C8orf34: variants seen among roughly 807,000 people sequenced by gnomAD.
C8orf34 encodes the protein uncharacterized protein C8orf34.
In C8orf34, 65 loss-of-function variants were observed where a neutral mutation model predicts 68.3. The observed-to-expected ratio is 0.95, with a 90% CI of 0.78 to 1.17. The LOEUF is 1.17. C8orf34 is among the 50% of genes most tolerant of loss of function. C8orf34 has a pLI of 0.00. For missense variants in C8orf34, 664 were observed against 655.4 expected, an observed-to-expected ratio of 1.01 and a Z score of -0.14; for synonymous variants, 244 against 241.2, an observed-to-expected ratio of 1.01 and a Z score of -0.11.
At chr8:68,725,905 T>G (rs951971991) in intron 10 of C8orf34, among the ~76,000 whole-genome samples, 3 of 152,178 alleles carry the variant, frequency 2.0e-5, no homozygotes, top group Non-Finnish European at 2.9e-5. Flanking sequence ...TTTATTTTTT[T>G]ATTTTTATTT....
intron 3 of C8orf34, among the ~76,000 whole-genome samples, chr8:68,466,819 A>C (rs889991766): frequency 1.3e-5 from 2 of 148,970 alleles, no homozygotes; most frequent in African/African-American, 5.0e-5. Flanking sequence ...GCTAGGTCAC[A>C]GGGTCGGTGC....
chr8:68,590,306 A>G (rs1253580219), intron 7 of C8orf34, among the ~76,000 whole-genome samples: 2 of 152,110 alleles, frequency 1.3e-5, no homozygotes, highest in Non-Finnish European at 2.9e-5. Context: ...TTAAAAATCT[A>G]TAGTACAACT....
At chr8:68,636,900 T>C (rs1818863040) in intron 7 of C8orf34, among the ~76,000 whole-genome samples, 1 of 152,210 alleles carries the variant, frequency 6.6e-6, no homozygotes, top group Admixed American at 6.5e-5. Context: ...AATATTGACC[T>C]GGTTCTTCAG....
chr8:68,737,617 C>A (rs953110322), intron 10 of C8orf34, among the ~76,000 whole-genome samples: 6 of 151,708 alleles, frequency 4.0e-5, no homozygotes, highest in Admixed American at 3.9e-4. Context: ...GCAGGGGTAG[C>A]AACCTTACTT....
intron 3 of C8orf34, among the ~76,000 whole-genome samples, chr8:68,467,378 A>G (rs1355491849): frequency 6.6e-6 from 1 of 152,074 alleles, no homozygotes; most frequent in African/African-American, 2.4e-5. Flanking sequence ...AACCCTGCCC[A>G]AAGAATTAAA....
chr8:68,459,967 C>T lies in C8orf34; in HGVS notation c.608-8725C>T, dbSNP rs112328565. On this transcript the variant is annotated intron_variant, in intron 3 of 13. Transcript: ENST00000518698. ...GACAGTGGGTGCAGTGCACTATGCG[C>T]GAGCCGAAGCAGGACAAGGCATTGC... 8.7e-3 allele frequency among the ~76,000 whole-genome samples: 1,323 copies of T among 152,194 alleles called. 20 individuals carry two copies. Among genetic ancestry groups the T allele is most frequent in the African/African-American group, 0.029 (1,209 of 41,534 alleles).
chr8:68,674,413 A>G lies in C8orf34; in HGVS notation c.1241+33902A>G, dbSNP rs1303706264. Among the ~76,000 whole-genome samples, 5 of 152,204 alleles carry G rather than the reference A, an allele frequency of 3.3e-5. No individual in the cohort carries two copies. The East Asian group carries it at 9.6e-4, about 29-fold the overall frequency. ...CTCAGTGAAATTCAAGATAACACAG[A>G]GGGAATTTAGAACCCTATCAAATAA... On this transcript the variant is annotated intron_variant, in intron 8 of 13. Coordinates refer to ENST00000518698, the MANE Select transcript of C8orf34 (RefSeq NM_052958.4).
intron 1 of C8orf34, among the ~76,000 whole-genome samples, chr8:68,436,366 T>G (rs75709930): frequency 0.016 from 2,460 of 152,298 alleles, 86 homozygotes; most frequent in African/African-American, 0.055. Flanking sequence ...CAGCTGCTAA[T>G]ATATTTTGTT....
chr8:68,580,794 G>A (rs1013650501), intron 7 of C8orf34, among the ~76,000 whole-genome samples: 5 of 152,134 alleles, frequency 3.3e-5, no homozygotes, highest in Non-Finnish European at 1.5e-5. Context: ...TGTGAACAGT[G>A]AAAAGATGCT....
At chr8:68,433,613 G>A (rs1018569615) in intron 1 of C8orf34, among the ~76,000 whole-genome samples, 3 of 152,170 alleles carry the variant, frequency 2.0e-5, no homozygotes, top group African/African-American at 7.2e-5. Flanking sequence ...GGTACCCAGA[G>A]CCAGGGTTTT....
At chr8:68,776,774 C>CA (rs1563663677) in intron 11 of C8orf34, among the ~76,000 whole-genome samples, 1 of 152,010 alleles carries the variant, frequency 6.6e-6, no homozygotes, top group Non-Finnish European at 1.5e-5. Flanking sequence ...GGAGTGTGCA[C>CA]AAAAAAAGAC....
At chr8:68,798,675 G>T (rs544214861) in intron 12 of C8orf34, among the ~76,000 whole-genome samples, 1 of 152,150 alleles carries the variant, frequency 6.6e-6, no homozygotes, top group East Asian at 1.9e-4. Flanking sequence ...TTATAATACT[G>T]GTTGTAGAGA....
intron 5 of C8orf34, among the ~76,000 whole-genome samples, chr8:68,519,761 A>C (rs887493877): frequency 6.6e-6 from 1 of 152,144 alleles, no homozygotes; most frequent in African/African-American, 2.4e-5. Context: ...TGGTTTAACT[A>C]TGTTATTTAC....
At chr8:68,676,814 G>A (rs1410442281) in intron 8 of C8orf34, among the ~76,000 whole-genome samples, 5 of 152,190 alleles carry the variant, frequency 3.3e-5, no homozygotes, top group African/African-American at 4.8e-5. Flanking sequence ...GTTCCACGTG[G>A]CTGAGAGGCC....
chr8:68,460,748 A>G (rs1328099488), intron 3 of C8orf34, among the ~76,000 whole-genome samples: 2 of 152,218 alleles, frequency 1.3e-5, no homozygotes, highest in African/African-American at 4.8e-5. Context: ...TGTTAGAAGG[A>G]AAACTAACAA....
intron 1 of C8orf34, among the ~76,000 whole-genome samples, chr8:68,358,352 T>A (rs182331009): frequency 6.6e-6 from 1 of 152,138 alleles, no homozygotes; most frequent in Non-Finnish European, 1.5e-5. Context: ...TTGCACAGTC[T>A]GTTTTCTTCT....
At position 68,559,804 on chromosome 8, in the gene C8orf34, G is replaced by A. The variant is rs568371801; in HGVS notation, c.1105+26655G>A. ...AGTTAAAATATACTCAGTGGTACAT[G>A]CTATGATGTAGCAAGAATGTGACTC... On this transcript the variant is annotated intron_variant, in intron 7 of 13. Coordinates refer to ENST00000518698, the MANE Select transcript of C8orf34 (RefSeq NM_052958.4). 6.2e-4 allele frequency among the ~76,000 whole-genome samples: 94 copies of A among 152,314 alleles called. 1 individual carries two copies. The Middle Eastern group carries it at 0.02, about 33-fold the overall frequency.
chr8:68,781,540 T>A (rs79556705), intron 11 of C8orf34, among the ~76,000 whole-genome samples: 1 of 152,332 alleles, frequency 6.6e-6, no homozygotes, highest in East Asian at 1.9e-4. Context: ...AAAATGTATA[T>A]CTGAATAAGT....
In C8orf34 at chr8:68,734,570, C is replaced by T. The variant is rs1023927415; in HGVS notation, c.1404+13133C>T. On this transcript the variant is annotated intron_variant, in intron 10 of 13. Coordinates refer to ENST00000518698, the MANE Select transcript of C8orf34 (RefSeq NM_052958.4). ...AAAACTTCCACCTCCAGATCCCTTT[C>T]AGTTTCCATTCCTGTCTTCTGGCCA... 7.9e-5 allele frequency among the ~76,000 whole-genome samples: 12 copies of T among 152,308 alleles called. 1 individual carries two copies. In the Middle Eastern group the frequency reaches 0.024, roughly 302 times the overall value.
Sources: gnomAD v4.1 joint callset for allele counts (sites outside exome capture counted in the v4.1 genomes callset) on GRCh38, gnomAD v4.1.1 for gene constraint, MANE v1.5 for transcripts, NCBI Gene and HGNC (gene_info 2026-07-23, HGNC 2026-07-21) for gene names.